The following PTPN13 variants were observed in gnomAD, a reference collection of about 807,000 sequenced individuals.
PTPN13 encodes the protein protein tyrosine phosphatase non-receptor type 13.
PTPN13 carries 191 observed loss-of-function variants against 284.0 expected under a neutral mutation model. The ratio of observed to expected loss-of-function variants is 0.67; its 90% CI spans 0.60 to 0.76. The LOEUF is 0.76. PTPN13 is among the 30% of genes least tolerant of loss of function. PTPN13 has a pLI of 0.00. For missense variants in PTPN13, 2,797 were observed against 2,939.9 expected, an observed-to-expected ratio of 0.95 and a Z score of 1.12; for synonymous variants, 986 against 1,022.3, an observed-to-expected ratio of 0.96 and a Z score of 0.68.
intron 1 of PTPN13, among the ~76,000 whole-genome samples, chr4:86,613,565 C>T (rs911308966): frequency 2.7e-5 from 4 of 147,890 alleles, no homozygotes. Flanking sequence ...ACCCGGGAGG[C>T]GGCGCTTGCA....
rs1737593296 is a variant in PTPN13 at position 86,753,270 on chromosome 4, GAGATAAGGACACT to G, written c.3223+207_3223+219del. Among the ~76,000 whole-genome samples the G allele has an allele frequency of 2.0e-5, 3 of 152,086 alleles. No homozygotes were observed. The South Asian group carries it at 6.2e-4, about 31-fold the overall frequency. On this transcript the variant is annotated intron_variant, in intron 20 of 47. Transcript: ENST00000411767. ...CTAATGTTGATGAAATGACAAATTA[GAGATAAGGACACT>G]AATTGGGAAGCTAAGATAATAGTTC...
chr4:86,772,828 C>G lies in PTPN13; in HGVS notation c.5219C>G (p.Pro1740Arg). 1 of 1,613,390 alleles carries G rather than the reference C, an allele frequency of 6.2e-7. No individual in the cohort carries two copies. Among genetic ancestry groups the G allele is most frequent in the South Asian group, 1.1e-5 (1 of 91,006 alleles). The stretch of plus-strand genomic sequence containing the variant: ...ATGGCTCCTGGGCAGAGTTATCAAC[C>G]CCAATCAGAATCTGCTTCCTCTAGT... ...PDMAPGQSYQPQSESASSSSM... is the reference protein window; with the variant it reads ...PDMAPGQSYQRQSESASSSSM... Residue 1740 changes from proline to arginine, a missense_variant, in exon 32 of 48, where the codon CCC (proline) becomes CGC (arginine). By Grantham distance (103) the Pro-to-Arg change is moderately radical (BLOSUM62 -2). Transcript: ENST00000411767.
At position 86,628,490 on chromosome 4, in the gene PTPN13, AT is replaced by A. The variant is rs55718911; in HGVS notation, c.-5-6751del. 1.1e-3 allele frequency among the ~76,000 whole-genome samples: 130 copies of A among 115,610 alleles called. 1 individual carries two copies. Among genetic ancestry groups the A allele is most frequent in the Admixed American group, 7.2e-3 (84 of 11,588 alleles). 75.8% of individuals were successfully genotyped at this position (115,610 alleles called of 152,430 possible). On this transcript the variant is annotated intron_variant, in intron 1 of 47. Coordinates refer to ENST00000411767, the MANE Select transcript of PTPN13 (RefSeq NM_080683.3). ...AGTATTTTTCCTTAGTTTGTGGTTC[AT>A]TTTTTTTTTTAATTTTTTTTTTTAT...
intron 42 of PTPN13, among the ~76,000 whole-genome samples, chr4:86,799,568 G>A (rs913014759): frequency 4.6e-5 from 7 of 151,710 alleles, no homozygotes; most frequent in Admixed American, 4.6e-4. Flanking sequence ...GACCTCAGAT[G>A]ATCCACCTAC....
intron 1 of PTPN13, among the ~76,000 whole-genome samples, chr4:86,629,251 G>GA (rs1210949528): frequency 1.4e-5 from 2 of 146,380 alleles, no homozygotes; most frequent in African/African-American, 2.5e-5. Context: ...AAATTTACAA[G>GA]AAAAAAACAA....
intron 3 of PTPN13, among the ~76,000 whole-genome samples, chr4:86,682,642 CT>C (rs1237039725): frequency 6.6e-6 from 1 of 152,126 alleles, no homozygotes; most frequent in Admixed American, 6.5e-5. Context: ...TATATGCAGT[CT>C]GTAACCCATC....
At chr4:86,675,471 G>T (rs1338134384) in intron 3 of PTPN13, among the ~76,000 whole-genome samples, 1 of 152,114 alleles carries the variant, frequency 6.6e-6, no homozygotes, top group Non-Finnish European at 1.5e-5. Flanking sequence ...TTAAGAATAT[G>T]CTATTAACTA....
rs1469921936 is a variant in PTPN13 at position 86,750,803 on chromosome 4, C to A, written c.2984C>A (p.Thr995Asn). The A allele has an allele frequency of 8.7e-6, 14 of 1,613,600 alleles. No individual in the cohort carries two copies. The Middle Eastern group carries it at 4.9e-4, about 57-fold the overall frequency. The change falls in exon 18 of 48, where the codon ACC becomes AAC. Residue 995 changes from threonine (T) to asparagine (N), a missense_variant. Physicochemically the swap from Thr to Asn is moderately conservative, Grantham distance 65. Transcript: ENST00000411767. ...GTTAACATGGAACCCCCACCACAAACCGTTGCAGAGTTGGTGGGAAAACCT... is the reference window on the plus strand; with the variant it reads ...GTTAACATGGAACCCCCACCACAAAACGTTGCAGAGTTGGTGGGAAAACCT... ...VIVNMEPPPQ[T>N]VAELVGKPSH...
intron 3 of PTPN13, among the ~76,000 whole-genome samples, chr4:86,683,069 TTTTA>T (rs1436552117): frequency 6.6e-6 from 1 of 152,182 alleles, no homozygotes; most frequent in Admixed American, 6.6e-5. Context: ...ATTTTGCATA[TTTTA>T]TTTCTCTATA....
At chr4:86,683,316 A>G (rs188077580) in intron 3 of PTPN13, among the ~76,000 whole-genome samples, 1 of 152,316 alleles carries the variant, frequency 6.6e-6, no homozygotes, top group Non-Finnish European at 1.5e-5. Flanking sequence ...TCCGAAGGTC[A>G]GAGAAACAGT....
In PTPN13 at chr4:86,772,928, C is replaced by T; in HGVS notation, c.5319C>T (p.Asp1773=). The T allele has an allele frequency of 2.5e-6, 4 of 1,604,798 alleles. No homozygotes were observed. Among genetic ancestry groups the T allele is most frequent in the Non-Finnish European group, 3.4e-6 (4 of 1,175,822 alleles). Residue 1773 remains aspartate, a synonymous_variant, in exon 32 of 48, where the codon GAC becomes GAT. Transcript: ENST00000411767. ...RQENWTPLKN[D]LENHLEDFEL... ...AAAACTGGACACCTTTGAAAAATGA[C>T]TTGGAAAATCACCTTGAAGACTTTG...
chr4:86,683,863 A>G (rs937121707), intron 3 of PTPN13, among the ~76,000 whole-genome samples: 2 of 152,232 alleles, frequency 1.3e-5, no homozygotes, highest in Admixed American at 6.5e-5. Flanking sequence ...ATAATTGAGC[A>G]TGCAATTAGT....
rs1466862754 is a variant in PTPN13, at chr4:86,767,832, T to G, written c.4345T>G (p.Leu1449Val). ...RNTGQVVHLL[L>V]EKGQSPTSKE... ...ACTTATCCAGGTGGTTCATCTGTTA[T>G]TAGAAAAGGGACAATCTCCAACATC... Residue 1449 changes from leucine to valine, a missense_variant, in exon 28 of 48, where the codon TTA (leucine) becomes GTA (valine). Physicochemically the swap from Leu to Val is conservative, Grantham distance 32 (BLOSUM62 1). Transcript: ENST00000411767. The G allele has an allele frequency of 6.3e-7, 1 of 1,582,748 alleles. No homozygotes were observed. The highest frequency in any genetic ancestry group is 1.2e-5 in the South Asian group (1 of 85,752).
chr4:86,734,283 A>AT lies in PTPN13; in HGVS notation c.1859-15dup, dbSNP rs1360193122. The AT allele has an allele frequency of 2.8e-6, 4 of 1,416,568 alleles. No individual in the cohort carries two copies. The highest frequency in any genetic ancestry group is 2.8e-5 in the Admixed American group (1 of 35,158). 87.7% of individuals were successfully genotyped at this position (1,416,568 alleles called of 1,614,324 possible). ...AAGTATTTTTTTATTTTATCTGAAT[A>AT]TTTTTCTCATTCTGTTTAGATAATG... is the stretch of plus-strand genomic sequence containing the variant. On this transcript the variant is annotated intron_variant, in intron 12 of 47. Transcript: ENST00000411767.
At chr4:86,746,752 C>A (rs1013710062) in intron 17 of PTPN13, among the ~76,000 whole-genome samples, 1 of 152,124 alleles carries the variant, frequency 6.6e-6, no homozygotes, top group African/African-American at 2.4e-5. Context: ...CCTGCCTCAG[C>A]CTCCAGACTA....
chr4:86,781,087 A>G (rs1443898476), intron 36 of PTPN13, among the ~76,000 whole-genome samples: 1 of 152,192 alleles, frequency 6.6e-6, no homozygotes, highest in South Asian at 2.1e-4. Context: ...AAATTTAATA[A>G]TATTTTTCTT....
intron 2 of PTPN13, among the ~76,000 whole-genome samples, chr4:86,660,295 A>G (rs1302930048): frequency 6.6e-6 from 1 of 152,210 alleles, no homozygotes; most frequent in African/African-American, 2.4e-5. Context: ...ATAAAAAAGA[A>G]AGTGTAAAAC....
intron 6 of PTPN13, among the ~76,000 whole-genome samples, chr4:86,699,509 G>A (rs1416593798): frequency 6.6e-6 from 1 of 152,180 alleles, no homozygotes; most frequent in Non-Finnish European, 1.5e-5. Context: ...AAAGAATAGG[G>A]AGTTAAGTTA....
rs1290872293 is a variant in PTPN13 at position 86,686,726 on chromosome 4, T to C, written c.311T>C (p.Leu104Pro). ...TATTCCTAGATCCACATTTATTCTCTTGGAATGACACTGTATTGGGGGGCT... is the reference window on the plus strand; with the variant it reads ...TATTCCTAGATCCACATTTATTCTCCTGGAATGACACTGTATTGGGGGGCT... The part of the protein sequence containing the change: ...SDVEKIHIYS[L>P]GMTLYWGADY... Residue 104 changes from leucine (L) to proline (P), a missense_variant, in exon 4 of 48, where the codon CTT becomes CCT. Leu to Pro is a moderately conservative substitution (Grantham distance 98). Coordinates refer to ENST00000411767, the MANE Select transcript of PTPN13 (RefSeq NM_080683.3). The C allele has an allele frequency of 6.4e-7, 1 of 1,573,376 alleles. No individual in the cohort carries two copies. The highest frequency in any genetic ancestry group is 8.6e-7 in the Non-Finnish European group (1 of 1,158,330).
Sources: allele counts gnomAD v4.1 joint callset (sites outside exome capture counted in the v4.1 genomes callset), GRCh38; gene constraint gnomAD v4.1.1; transcripts MANE v1.5; gene names NCBI Gene and HGNC (gene_info 2026-07-23, HGNC 2026-07-21).